Variants in BRINP3 observed in about 807,000 individuals in gnomAD.
BRINP3 encodes BMP/retinoic acid-inducible neural-specific protein 3.
BRINP3 carries 19 observed loss-of-function variants against 71.0 expected under a neutral mutation model. That is an observed-to-expected ratio of 0.27 (90% CI 0.19 to 0.39). The LOEUF (loss-of-function observed/expected upper bound fraction) is 0.39, where lower values mean the gene tolerates loss of function less well. Among genes scored for constraint, BRINP3 ranks in the 10% least tolerant of loss-of-function variants. The probability of loss-of-function intolerance (pLI) is 1.00; values close to 1 mark genes in which losing one functional copy is unlikely to be tolerated. For synonymous variants in BRINP3, 380 were observed against 337.7 expected (o/e 1.13, Z -1.37); for missense variants, 959 against 940.8 (o/e 1.02, Z -0.25).
intron 3 of BRINP3, among the ~76,000 whole-genome samples, chr1:190,276,874 G>T (rs572706800): frequency 8.7e-4 from 129 of 148,856 alleles, no homozygotes; most frequent in Non-Finnish European, 1.5e-3. Context: ...AATACTTTCA[G>T]AAAAAAAATT....
intron 4 of BRINP3, among the ~76,000 whole-genome samples, chr1:190,256,512 A>G (rs1473126723): frequency 6.6e-6 from 1 of 151,994 alleles, no homozygotes; most frequent in African/African-American, 2.4e-5. Context: ...GTTATGTGTG[A>G]ATTTGATCTT....
chr1:190,135,182 C>T (rs953944110), intron 7 of BRINP3, among the ~76,000 whole-genome samples: 12 of 152,076 alleles, frequency 7.9e-5, no homozygotes, highest in African/African-American at 2.9e-4. Flanking sequence ...GGGAATTAAT[C>T]CTTTCAAGAT....
intron 6 of BRINP3, among the ~76,000 whole-genome samples, chr1:190,162,600 T>C (rs1426090046): frequency 1.3e-5 from 2 of 152,204 alleles, no homozygotes; most frequent in Non-Finnish European, 2.9e-5. Context: ...AACTAATTAC[T>C]CATTTCATTG....
chr1:190,380,106 G>A (rs970315713), intron 2 of BRINP3, among the ~76,000 whole-genome samples: 1 of 151,912 alleles, frequency 6.6e-6, no homozygotes, highest in Non-Finnish European at 1.5e-5. Flanking sequence ...TTGCTGCTCT[G>A]AGTTGAATTT....
intron 2 of BRINP3, among the ~76,000 whole-genome samples, chr1:190,287,741 A>T (rs572733650): frequency 2.7e-4 from 41 of 152,308 alleles, no homozygotes; most frequent in Admixed American, 2.2e-3. Context: ...CTGTAACCTC[A>T]TGACTATCAT....
At chr1:190,222,087 A>G (rs1656943532) in intron 6 of BRINP3, among the ~76,000 whole-genome samples, 2 of 152,064 alleles carry the variant, frequency 1.3e-5, no homozygotes, top group South Asian at 2.1e-4. Context: ...ACATTAACAA[A>G]ACATTTCACC....
At chr1:190,187,072 A>T (rs1653594487) in intron 6 of BRINP3, among the ~76,000 whole-genome samples, 1 of 152,164 alleles carries the variant, frequency 6.6e-6, no homozygotes, top group African/African-American at 2.4e-5. Flanking sequence ...AGGGCTTTTC[A>T]AACCCCTGGG....
At chr1:190,199,470 T>C in intron 6 of BRINP3, among the ~76,000 whole-genome samples, 1 of 152,068 alleles carries the variant, frequency 6.6e-6, no homozygotes, top group East Asian at 1.9e-4. Context: ...ACATTTTACC[T>C]CCAACCTCAA....
chr1:190,360,551 C>A (rs1165139816), intron 2 of BRINP3, among the ~76,000 whole-genome samples: 1 of 152,104 alleles, frequency 6.6e-6, no homozygotes, highest in Non-Finnish European at 1.5e-5. Context: ...TAACTTTTTT[C>A]TGAATAATTC....
rs539216428 is a variant in BRINP3, at chr1:190,268,347, C to T, written c.428-3292G>A. ...CTTCTGGCCTCAAGTGATCCTCCCA[C>T]CTCAGCCTCCCAAAGTGCTGGGATT... On this transcript the variant is annotated intron_variant, in intron 3 of 7. Coordinates refer to ENST00000367462, the MANE Select transcript of BRINP3 (RefSeq NM_199051.3). Among the ~76,000 whole-genome samples the T allele has an allele frequency of 1.9e-3, 283 of 152,272 alleles. 1 individual carries two copies. Among genetic ancestry groups the T allele is most frequent in the Non-Finnish European group, 2.6e-3 (174 of 68,016 alleles).
intron 7 of BRINP3, among the ~76,000 whole-genome samples, chr1:190,101,430 C>T (rs1651690193): frequency 1.3e-5 from 2 of 152,142 alleles, no homozygotes; most frequent in South Asian, 4.1e-4. Flanking sequence ...CTTGATTAAT[C>T]ATTTCTGTAT....
chr1:190,372,671 C>G (rs1307181182), intron 2 of BRINP3, among the ~76,000 whole-genome samples: 2 of 152,174 alleles, frequency 1.3e-5, no homozygotes, highest in Non-Finnish European at 2.9e-5. Flanking sequence ...TACCATATTA[C>G]CTTGTCATAA....
intron 2 of BRINP3, among the ~76,000 whole-genome samples, chr1:190,303,540 T>C (rs547116867): frequency 6.6e-6 from 1 of 151,912 alleles, no homozygotes; most frequent in Admixed American, 6.6e-5. Context: ...CATCAGTCAT[T>C]TATTTCATTT....
At chr1:190,195,261 T>C (rs1253298336) in intron 6 of BRINP3, among the ~76,000 whole-genome samples, 5 of 151,974 alleles carry the variant, frequency 3.3e-5, no homozygotes, top group Non-Finnish European at 5.9e-5. Context: ...AAAGATTACA[T>C]CTATAAAATA....
intron 2 of BRINP3, among the ~76,000 whole-genome samples, chr1:190,396,976 C>T (rs1392454647): frequency 6.6e-6 from 1 of 151,676 alleles, no homozygotes; most frequent in Admixed American, 6.6e-5. Context: ...CTCTTCAAGA[C>T]AAAGGGGATG....
intron 4 of BRINP3, among the ~76,000 whole-genome samples, chr1:190,235,707 C>T (rs191738751): frequency 6.6e-6 from 1 of 152,016 alleles, no homozygotes; most frequent in Non-Finnish European, 1.5e-5. Context: ...TATTTTCTAG[C>T]GAATCCTTCA....
intron 2 of BRINP3, among the ~76,000 whole-genome samples, chr1:190,443,007 G>A (rs1490507019): frequency 6.6e-6 from 1 of 150,630 alleles, no homozygotes; most frequent in Non-Finnish European, 1.5e-5. Flanking sequence ...CTGCCTCCCG[G>A]GTTCAAGTGA....
At chr1:190,396,295 A>C (rs1471422633) in intron 2 of BRINP3, among the ~76,000 whole-genome samples, 1 of 151,896 alleles carries the variant, frequency 6.6e-6, no homozygotes, top group Non-Finnish European at 1.5e-5. Context: ...CGTTTAAATT[A>C]AACTCTAATG....
intron 6 of BRINP3, among the ~76,000 whole-genome samples, chr1:190,201,246 A>G (rs1001456315): frequency 3.9e-5 from 6 of 152,158 alleles, no homozygotes; most frequent in Non-Finnish European, 8.8e-5. Context: ...TTTTAGCAAA[A>G]AGACTACTGG....
Sources: allele counts gnomAD v4.1 joint callset (sites outside exome capture counted in the v4.1 genomes callset), GRCh38; gene constraint gnomAD v4.1.1; transcripts MANE v1.5; gene names NCBI Gene and HGNC (gene_info 2026-07-23, HGNC 2026-07-21).